The following UBE2E3 variants were observed in gnomAD, a reference collection of about 807,000 sequenced individuals.
UBE2E3 encodes the protein ubiquitin conjugating enzyme E2 E3, also known as ubiquitin-conjugating enzyme E2 E3.
A neutral mutation model predicts 23.6 loss-of-function variants in UBE2E3; 5 were observed. That is an observed-to-expected ratio of 0.21 (90% CI 0.11 to 0.44). UBE2E3 has a LOEUF of 0.44. UBE2E3 is among the 20% of genes least tolerant of loss of function. The probability of loss-of-function intolerance (pLI) is 0.99; values close to 1 mark genes in which losing one functional copy is unlikely to be tolerated. For synonymous variants in UBE2E3, 78 were observed against 87.5 expected, an observed-to-expected ratio of 0.89 and a Z score of 0.60; for missense variants, 81 against 249.8, an observed-to-expected ratio of 0.32 and a Z score of 4.55.
intron 3 of UBE2E3, among the ~76,000 whole-genome samples, chr2:181,050,493 C>G (rs1006016763): frequency 8.6e-5 from 13 of 151,774 alleles, no homozygotes; most frequent in African/African-American, 2.7e-4. Context: ...ATTAATAATC[C>G]AAATTATATG....
chr2:181,056,382 T>G (rs1003678373), intron 3 of UBE2E3, among the ~76,000 whole-genome samples: 1 of 151,720 alleles, frequency 6.6e-6, no homozygotes, highest in Non-Finnish European at 1.5e-5. Context: ...GAAAAGAGGT[T>G]TATTTGGTTC....
chr2:181,002,564 C>G (rs535704981), intron 3 of UBE2E3, among the ~76,000 whole-genome samples: 2 of 152,206 alleles, frequency 1.3e-5, no homozygotes, highest in African/African-American at 4.8e-5. Flanking sequence ...TTTCAGTTTT[C>G]TAGTAGCCAC....
At chr2:181,041,825 C>T (rs1174328413) in intron 3 of UBE2E3, among the ~76,000 whole-genome samples, 1 of 152,204 alleles carries the variant, frequency 6.6e-6, no homozygotes, top group South Asian at 2.1e-4. Context: ...AACCAAACCA[C>T]TGTCAGGAGG....
At chr2:181,046,311 T>C (rs1170658229) in intron 3 of UBE2E3, among the ~76,000 whole-genome samples, 1 of 152,160 alleles carries the variant, frequency 6.6e-6, no homozygotes, top group Non-Finnish European at 1.5e-5. Flanking sequence ...AACAAAAATG[T>C]AGCACAAAAC....
intron 3 of UBE2E3, among the ~76,000 whole-genome samples, chr2:180,993,018 A>G (rs1341867823): frequency 6.6e-6 from 1 of 152,196 alleles, no homozygotes; most frequent in Non-Finnish European, 1.5e-5. Context: ...TTATGAATCA[A>G]ATATGTGCCT....
At chr2:181,028,992 A>G (rs1317023571) in intron 3 of UBE2E3, among the ~76,000 whole-genome samples, 2 of 152,004 alleles carry the variant, frequency 1.3e-5, no homozygotes, top group African/African-American at 4.8e-5. Context: ...AGTGTTCCAA[A>G]TTTATTTGGA....
intron 3 of UBE2E3, among the ~76,000 whole-genome samples, chr2:181,053,582 G>A (rs1228282420): frequency 1.9e-5 from 2 of 103,694 alleles, no homozygotes; most frequent in Admixed American, 2.1e-4. Context: ...TAGCAAAATT[G>A]AGTGAAAACC....
chr2:181,029,558 C>T (rs1238212739), intron 3 of UBE2E3, among the ~76,000 whole-genome samples: 1 of 150,578 alleles, frequency 6.6e-6, no homozygotes, highest in Admixed American at 6.6e-5. Flanking sequence ...TAAGTTTTAT[C>T]TAAAAACTTG....
intron 3 of UBE2E3, among the ~76,000 whole-genome samples, chr2:181,002,341 G>T (rs1311205323): frequency 6.6e-6 from 1 of 152,156 alleles, no homozygotes; most frequent in Non-Finnish European, 1.5e-5. Flanking sequence ...CGTTAGGTAA[G>T]GCATCCTAAG....
intron 3 of UBE2E3, among the ~76,000 whole-genome samples, chr2:180,987,844 T>C (rs945648021): frequency 7.9e-5 from 12 of 152,120 alleles, no homozygotes; most frequent in Non-Finnish European, 1.3e-4. Context: ...ACTGTCAGCA[T>C]CTGCGTCACA....
chr2:181,013,018 A>G (rs987099898), intron 3 of UBE2E3, among the ~76,000 whole-genome samples: 5 of 152,006 alleles, frequency 3.3e-5, no homozygotes, highest in Admixed American at 3.3e-4. Context: ...TTTACATGGG[A>G]GTCTCATTAT....
intron 3 of UBE2E3, among the ~76,000 whole-genome samples, chr2:181,032,615 A>G (rs1686118750): frequency 6.6e-6 from 1 of 152,070 alleles, no homozygotes; most frequent in African/African-American, 2.4e-5. Flanking sequence ...TTTTAACTTG[A>G]TATTTATTTT....
intron 2 of UBE2E3, among the ~76,000 whole-genome samples, chr2:180,983,477 C>A (rs182441559): frequency 1.3e-5 from 2 of 152,308 alleles, no homozygotes; most frequent in African/African-American, 4.8e-5. Context: ...AATTTAAGTG[C>A]TGTACCTAAA....
At chr2:181,007,500 GT>G (rs3060035) in intron 3 of UBE2E3, among the ~76,000 whole-genome samples, 16,568 of 145,916 alleles carry the variant, frequency 0.11, 1,442 homozygotes, top group African/African-American at 0.24. Flanking sequence ...AAGTATAATT[GT>G]TTTTTTTTTT....
chr2:180,984,677 T>C (rs564650851), intron 3 of UBE2E3, among the ~76,000 whole-genome samples: 2 of 152,292 alleles, frequency 1.3e-5, no homozygotes, highest in African/African-American at 4.8e-5. Flanking sequence ...TTTTAGTAAT[T>C]TTGGTGGTTG....
chr2:181,050,328 GT>G (rs965671682), intron 3 of UBE2E3, among the ~76,000 whole-genome samples: 5 of 151,702 alleles, frequency 3.3e-5, no homozygotes, highest in African/African-American at 9.7e-5. Flanking sequence ...ATATCATTTT[GT>G]TTTTCCTCCC....
At chr2:180,996,031 T>G (rs914891338) in intron 3 of UBE2E3, among the ~76,000 whole-genome samples, 1 of 152,166 alleles carries the variant, frequency 6.6e-6, no homozygotes, top group Non-Finnish European at 1.5e-5. Flanking sequence ...TCAGAATGAT[T>G]GTCACTTCAT....
At chr2:181,038,089 T>C (rs946915534) in intron 3 of UBE2E3, among the ~76,000 whole-genome samples, 2 of 152,206 alleles carry the variant, frequency 1.3e-5, no homozygotes, top group African/African-American at 4.8e-5. Flanking sequence ...CACAGATACA[T>C]CCTACGCCTT....
chr2:181,033,797 T>A (rs1686170438), intron 3 of UBE2E3, among the ~76,000 whole-genome samples: 1 of 152,102 alleles, frequency 6.6e-6, no homozygotes, highest in African/African-American at 2.4e-5. Context: ...AAAGGGCTAA[T>A]ACCCAGAATC....
Sources: gnomAD v4.1 joint callset for allele counts (sites outside exome capture counted in the v4.1 genomes callset) on GRCh38, gnomAD v4.1.1 for gene constraint, MANE v1.5 for transcripts, NCBI Gene and HGNC (gene_info 2026-07-23, HGNC 2026-07-21) for gene names.